ASMTL: variants seen among roughly 807,000 people sequenced by gnomAD.
The protein encoded by ASMTL is probable bifunctional dTTP/UTP pyrophosphatase/methyltransferase protein.
In ASMTL, 57 loss-of-function variants were observed where a neutral mutation model predicts 60.3. The observed-to-expected ratio is 0.95, with a 90% CI of 0.76 to 1.18. ASMTL has a LOEUF of 1.18. ASMTL is among the 50% of genes most tolerant of loss of function. The probability of loss-of-function intolerance (pLI) is 0.00; values close to 1 mark genes in which losing one functional copy is unlikely to be tolerated. For missense variants in ASMTL, 981 were observed against 852.6 expected (o/e 1.15, Z -1.88); for synonymous variants, 419 against 373.0 (o/e 1.12, Z -1.42).
chrX:1,440,815 G>A (rs1203306900), intron 2 of ASMTL, among the ~76,000 whole-genome samples: 1 of 152,034 alleles, frequency 6.6e-6, no homozygotes, highest in African/African-American at 2.4e-5. Flanking sequence ...ACAGATAAAT[G>A]ACATAATTCT....
chrX:1,432,552 G>A lies in ASMTL; in HGVS notation c.401-175C>T, dbSNP rs1360506962. On this transcript the variant is annotated intron_variant, in intron 5 of 12. Coordinates refer to ENST00000381317, the MANE Select transcript of ASMTL (RefSeq NM_004192.4). ...GGACAAGAAAAGGGAGAAAGGGGCC[G>A]GGCGCGGTGGCTCACGCCTGTCATC... 4.6e-5 allele frequency among the ~76,000 whole-genome samples: 7 copies of A among 152,362 alleles called. No homozygotes were observed. In the East Asian group the frequency reaches 5.8e-4, roughly 13 times the overall value.
At chrX:1,419,190 G>A in intron 9 of ASMTL, 76 bp from the exon 10 acceptor site, 2 of 1,554,954 alleles carry the variant, frequency 1.3e-6, no homozygotes, top group Middle Eastern at 2.3e-4. Flanking sequence ...TGGGGGTCGG[G>A]GGGAGAAGTG....
chrX:1,415,858 G>GCA lies in ASMTL; in HGVS notation c.1522+2113_1522+2114dup, dbSNP rs1179654549. On this transcript the variant is annotated intron_variant, in intron 11 of 12. Coordinates refer to ENST00000381317, the MANE Select transcript of ASMTL (RefSeq NM_004192.4). ...CACGGACGCACAGACACAGACACAG[G>GCA]CACACACACATATACCCATCCAGAT... Among the ~76,000 whole-genome samples the GCA allele has an allele frequency of 2.6e-5, 4 of 150,966 alleles. No homozygotes were observed. The East Asian group carries it at 7.7e-4, about 29-fold the overall frequency.
Position 1,417,986 on chromosome X carries a change from G to GA in ASMTL, c.1508dup (p.His504ProfsTer6). 6.2e-7 allele frequency: 1 copy of GA among 1,612,076 alleles called. No homozygotes were observed. The highest frequency in any genetic ancestry group is 8.5e-7 in the Non-Finnish European group (1 of 1,178,822). Reference sequence around the variant, plus strand: ...AGGAGGGCTCACCTGCTGCGAAGTGGATCTGCACTGCCTGCGGTCCGGGGG... The same window carrying GA: ...AGGAGGGCTCACCTGCTGCGAAGTGGAATCTGCACTGCCTGCGGTCCGGGGG... On this transcript the variant is annotated frameshift_variant, in exon 11 of 13. Transcript: ENST00000381317. LOFTEE classifies it high-confidence loss of function.
In ASMTL at chrX:1,439,793, G is replaced by A. The variant is rs188633017; in HGVS notation, c.226-649C>T. Among the ~76,000 whole-genome samples the A allele has an allele frequency of 3.6e-3, 529 of 147,482 alleles. 6 individuals are homozygous for A. Among genetic ancestry groups the A allele is most frequent in the African/African-American group, 0.012 (495 of 39,832 alleles). ...GGAGGTTGCAGTGAGCCAAGGTTGCGCACCTGCACTCCAGCCTGGGTGACA... is the reference window on the plus strand; with the variant it reads ...GGAGGTTGCAGTGAGCCAAGGTTGCACACCTGCACTCCAGCCTGGGTGACA... On this transcript the variant is annotated intron_variant, in intron 2 of 12. Transcript: ENST00000381317.
intron 8 of ASMTL, among the ~76,000 whole-genome samples, chrX:1,424,395 C>CCCAT (rs1189526128): frequency 1.3e-5 from 2 of 150,960 alleles, no homozygotes; most frequent in Non-Finnish European, 3.0e-5. Context: ...TGTCCACCCA[C>CCCAT]CCATCCGTCT....
Position 1,427,965 on chromosome X carries a change from C to T in ASMTL, c.666G>A (p.Arg222=). 1.2e-6 allele frequency: 2 copies of T among 1,613,504 alleles called. No homozygotes were observed. Among genetic ancestry groups the T allele is most frequent in the Non-Finnish European group, 1.7e-6 (2 of 1,179,816 alleles). Residue 222 remains arginine, a synonymous_variant, in exon 7 of 13, where the codon CGG becomes CGA. Coordinates refer to ENST00000381317, the MANE Select transcript of ASMTL (RefSeq NM_004192.4). ...YYPPRPEDLR[R]SVKHDSIPAA... ...CCGGGATGGAGTCGTGCTTGACACT[C>T]CGCCGCAGGTCCTCCGGACGGGGCG...
intron 6 of ASMTL, 139 bp from the exon 7 acceptor site, chrX:1,428,260 T>C (rs1267362297): frequency 1.9e-5 from 20 of 1,046,744 alleles, no homozygotes; most frequent in Non-Finnish European, 2.4e-5. Context: ...AGTGAAACCC[T>C]GTCTCTACTA....
chrX:1,439,077 G>C lies in ASMTL; in HGVS notation c.273+20C>G. The C allele has an allele frequency of 6.2e-7, 1 of 1,613,578 alleles. No individual in the cohort carries two copies. The highest frequency in any genetic ancestry group is 8.5e-7 in the Non-Finnish European group (1 of 1,179,514). On this transcript the variant is annotated intron_variant, in intron 3 of 12. Coordinates refer to ENST00000381317, the MANE Select transcript of ASMTL (RefSeq NM_004192.4). ...AAACCACATCGGACATTAGAAACGA[G>C]GCACCCTGGCCGCACTCACCACGAT... is the stretch of plus-strand genomic sequence containing the variant.
intron 7 of ASMTL, among the ~76,000 whole-genome samples, chrX:1,426,444 C>T (rs775490154): frequency 2.0e-5 from 3 of 152,232 alleles, no homozygotes; most frequent in East Asian, 1.9e-4. Flanking sequence ...CTCCTGCACC[C>T]GACATCCCCA....
intron 10 of ASMTL, 31 bp downstream of exon 10, chrX:1,418,951 T>G: frequency 6.2e-7 from 1 of 1,611,000 alleles, no homozygotes. Flanking sequence ...TAAACGAAAG[T>G]AAGGAGAGCC....
At chrX:1,425,749 A>G in intron 7 of ASMTL, 62 bp from the exon 8 acceptor site, 1 of 1,543,600 alleles carries the variant, frequency 6.5e-7, no homozygotes. Context: ...CTACTCCCAC[A>G]GACTCAAAAG....
upstream of ASMTL, among the ~76,000 whole-genome samples, chrX:1,453,446 C>A (rs1448084987): frequency 6.6e-6 from 1 of 151,976 alleles, no homozygotes; most frequent in Non-Finnish European, 1.5e-5. Flanking sequence ...CCCGCCCCTC[C>A]CCACCCCGCC....
In ASMTL at chrX:1,446,938, T is replaced by C. The variant is rs2091242109; in HGVS notation, c.94-4621A>G. 3.9e-5 allele frequency among the ~76,000 whole-genome samples: 6 copies of C among 152,236 alleles called. No individual in the cohort carries two copies. The South Asian group carries it at 1.2e-3, about 31-fold the overall frequency. ...ATTCTTTTCTACGGTTTGAATTAAA[T>C]TCTAATTTTTCTGGCTACATGTCTC... On this transcript the variant is annotated intron_variant, in intron 1 of 12. Transcript: ENST00000381317.
chrX:1,429,648 T>G (rs1452874306), intron 6 of ASMTL, among the ~76,000 whole-genome samples: 8 of 151,888 alleles, frequency 5.3e-5, no homozygotes, highest in African/African-American at 1.9e-4. Flanking sequence ...AAATAAAAAA[T>G]TCGCCAGGCG....
intron 1 of ASMTL, among the ~76,000 whole-genome samples, chrX:1,447,150 CTG>C (rs1288420180): frequency 6.6e-6 from 1 of 152,188 alleles, no homozygotes; most frequent in Non-Finnish European, 1.5e-5. Context: ...CCCTCCAGGG[CTG>C]TGTTTGGTGA....
chrX:1,439,459 G>A (rs1398386150), intron 2 of ASMTL, among the ~76,000 whole-genome samples: 6 of 152,164 alleles, frequency 3.9e-5, no homozygotes, highest in Non-Finnish European at 7.4e-5. Context: ...TCTTCCGGGC[G>A]GCAGGTAAGG....
In ASMTL at chrX:1,403,326, C is replaced by T. The variant is rs193185658; in HGVS notation, c.1809G>A (p.Gln603=). ...CCAGGACACCCCCCAAGTGCACCAC[C>T]TGCACCTGGTGGAAGCCGTGCAGCT... ...LLELHGFHQV[Q]VVHLGGVLDA... Residue 603 remains glutamine, a synonymous_variant, in exon 13 of 13, where the codon CAG becomes CAA. Coordinates refer to ENST00000381317, the MANE Select transcript of ASMTL (RefSeq NM_004192.4). 1.1e-5 allele frequency: 18 copies of T among 1,613,350 alleles called. No homozygotes were observed. In the East Asian group the frequency reaches 4.0e-4, roughly 36 times the overall value.
chrX:1,427,981 G>C lies in ASMTL; in HGVS notation c.650C>G (p.Pro217Arg), dbSNP rs752429560. ...QLVKLYYPPRPEDLRRSVKHD... is the reference protein window; with the variant it reads ...QLVKLYYPPRREDLRRSVKHD... The stretch of plus-strand genomic sequence containing the variant: ...CTTGACACTCCGCCGCAGGTCCTCC[G>C]GACGGGGCGGGTAGTAGAGCTTCAC... The change falls in exon 7 of 13, where the codon CCG becomes CGG. Residue 217 changes from proline to arginine, a missense_variant. Transcript: ENST00000381317. 1.4e-5 allele frequency: 22 copies of C among 1,613,218 alleles called. No homozygotes were observed. Among genetic ancestry groups the C allele is most frequent in the Non-Finnish European group, 1.9e-5 (22 of 1,179,630 alleles).
Sources: gnomAD v4.1 joint callset for allele counts (sites outside exome capture counted in the v4.1 genomes callset) on GRCh38, gnomAD v4.1.1 for gene constraint, MANE v1.5 for transcripts, NCBI Gene and HGNC (gene_info 2026-07-23, HGNC 2026-07-21) for gene names.